ADIPOR1: variants seen among roughly 807,000 people sequenced by gnomAD.
The protein encoded by ADIPOR1 is adiponectin receptor protein 1.
Under a neutral mutation model 37.5 loss-of-function variants are expected in ADIPOR1, and 15 were observed. The ratio of observed to expected loss-of-function variants is 0.40; its 90% CI spans 0.27 to 0.62. The LOEUF (loss-of-function observed/expected upper bound fraction) is 0.62, where lower values mean the gene tolerates loss of function less well. ADIPOR1 is among the 20% of genes least tolerant of loss of function. The probability of loss-of-function intolerance (pLI) is 0.42; values close to 1 mark genes in which losing one functional copy is unlikely to be tolerated. For missense variants in ADIPOR1, 286 were observed against 478.0 expected (o/e 0.60, Z 3.75); for synonymous variants, 173 against 173.2 (o/e 1.00, Z 0.01).
intron 7 of ADIPOR1, 128 bp downstream of exon 7, chr1:202,941,897 C>T (rs1654104998): frequency 8.4e-7 from 1 of 1,191,846 alleles, no homozygotes; most frequent in Non-Finnish European, 1.2e-6. Flanking sequence ...TGATGATTTA[C>T]CTTCAATGCA....
intron 3 of ADIPOR1, among the ~76,000 whole-genome samples, chr1:202,946,889 T>C (rs1295838842): frequency 2.7e-5 from 4 of 147,260 alleles, no homozygotes; most frequent in South Asian, 2.2e-4. Flanking sequence ...CTGAGGCAGG[T>C]GGATCACCTG....
chr1:202,944,915 G>A, intron 5 of ADIPOR1, 68 bp downstream of exon 5: 1 of 1,448,550 alleles, frequency 6.9e-7, no homozygotes, highest in Non-Finnish European at 9.4e-7. Context: ...CTATCACCCA[G>A]TAAGCACTGG....
chr1:202,953,441 T>C (rs1050740658), intron 1 of ADIPOR1, among the ~76,000 whole-genome samples: 1 of 152,112 alleles, frequency 6.6e-6, no homozygotes, highest in Non-Finnish European at 1.5e-5. Flanking sequence ...AATACATGGA[T>C]CATAAAATAA....
chr1:202,947,522 AAT>A (rs557101134), intron 3 of ADIPOR1, among the ~76,000 whole-genome samples: 5 of 150,680 alleles, frequency 3.3e-5, no homozygotes, highest in South Asian at 2.1e-4. Flanking sequence ...GTCTCAAAAA[AAT>A]ATATATATAT....
At chr1:202,956,490 T>C (rs1350195140) in intron 1 of ADIPOR1, among the ~76,000 whole-genome samples, 1 of 151,664 alleles carries the variant, frequency 6.6e-6, no homozygotes. Flanking sequence ...AGTCAGAGGG[T>C]TGAAATGGTT....
chr1:202,945,520 C>A (rs1171096464), intron 4 of ADIPOR1, among the ~76,000 whole-genome samples: 1 of 152,164 alleles, frequency 6.6e-6, no homozygotes, highest in African/African-American at 2.4e-5. Context: ...CAGGTGTCTA[C>A]CCAAAGGAAA....
chr1:202,949,316 C>T (rs1044575830), intron 2 of ADIPOR1, among the ~76,000 whole-genome samples: 12 of 151,320 alleles, frequency 7.9e-5, no homozygotes, highest in Non-Finnish European at 1.3e-4. Context: ...CGCGGTGGCT[C>T]ACGCCTGTAA....
chr1:202,943,446 C>T lies in ADIPOR1; in HGVS notation c.805+312G>A, dbSNP rs566751839. 3.3e-5 allele frequency among the ~76,000 whole-genome samples: 5 copies of T among 152,272 alleles called. No homozygotes were observed. In the East Asian group the frequency reaches 5.8e-4, roughly 18 times the overall value. On this transcript the variant is annotated intron_variant, in intron 6 of 7. Coordinates refer to ENST00000340990, the MANE Select transcript of ADIPOR1 (RefSeq NM_015999.6). ...AATCCCTTGGTCTGAGCTTGGGACT[C>T]GGGTCACTAAAATTACTGTGCTTGC... is the stretch of plus-strand genomic sequence containing the variant.
chr1:202,941,418 T>C lies in ADIPOR1; in HGVS notation c.*155A>G. The C allele has an allele frequency of 1.2e-6, 1 of 847,756 alleles. No individual in the cohort carries two copies. Among genetic ancestry groups the C allele is most frequent in the South Asian group, 2.6e-5 (1 of 39,068 alleles). The allele number at this position is 847,756 out of a possible 1,614,324, so 52.5% of individuals were successfully genotyped here. On this transcript the variant is annotated 3_prime_UTR_variant, in exon 8 of 8. Coordinates refer to ENST00000340990, the MANE Select transcript of ADIPOR1 (RefSeq NM_015999.6). The stretch of plus-strand genomic sequence containing the variant: ...TGGAAATGGAAAGTTTATTGCCCAG[T>C]GGGTGTGAAAGTGGGCTGAAGCTTG...
intron 1 of ADIPOR1, among the ~76,000 whole-genome samples, chr1:202,952,569 C>T (rs916324704): frequency 8.5e-5 from 13 of 152,216 alleles, no homozygotes; most frequent in Non-Finnish European, 1.6e-4. Context: ...CTCCTTCCCT[C>T]CTGGAGCTGG....
At chr1:202,951,485 T>A (rs1263828459) in intron 1 of ADIPOR1, among the ~76,000 whole-genome samples, 1 of 152,136 alleles carries the variant, frequency 6.6e-6, no homozygotes, top group Non-Finnish European at 1.5e-5. Context: ...TATGGAACCA[T>A]TTAGTGAGAA....
chr1:202,941,651 G>A lies in ADIPOR1; in HGVS notation c.1050C>T (p.Val350=). Residue 350 remains valine (V), a synonymous_variant, in exon 8 of 8, where the codon GTC becomes GTT. Transcript: ENST00000340990. ...FHVLVVAAAF[V]HFYGVSNLQE... ...GAAGGTTGGAGACTCCATAGAAGTGGACAAAGGCTGCTGCCACCACCAGGA... is the reference window on the plus strand; with the variant it reads ...GAAGGTTGGAGACTCCATAGAAGTGAACAAAGGCTGCTGCCACCACCAGGA... The A allele has an allele frequency of 6.2e-7, 1 of 1,614,138 alleles. No homozygotes were observed. The highest frequency in any genetic ancestry group is 8.5e-7 in the Non-Finnish European group (1 of 1,180,010).
chr1:202,950,915 G>A lies in ADIPOR1; in HGVS notation c.141+15C>T, dbSNP rs770567276. ...GAAACTGAACAAGGGGATGACTCCT[G>A]GGAAGATGACTTACTTTGGGTGGGT... On this transcript the variant is annotated intron_variant, in intron 2 of 7. Coordinates refer to ENST00000340990, the MANE Select transcript of ADIPOR1 (RefSeq NM_015999.6). The A allele has an allele frequency of 1.2e-6, 2 of 1,614,084 alleles. No individual in the cohort carries two copies. The highest frequency in any genetic ancestry group is 8.5e-7 in the Non-Finnish European group (1 of 1,179,990).
rs1000702391 is a variant in ADIPOR1 at position 202,955,694 on chromosome 1, C to T, written c.-95+2491G>A. ...ATCATAGCTTACTGCAGCCTATACT[C>T]CTGGACTCAAGCAATTCTCCTGCAT... is the stretch of plus-strand genomic sequence containing the variant. On this transcript the variant is annotated intron_variant, in intron 1 of 7. Transcript: ENST00000340990. Among the ~76,000 whole-genome samples, 4 of 152,140 alleles carry T rather than the reference C, an allele frequency of 2.6e-5. No individual in the cohort carries two copies. In the East Asian group the frequency reaches 7.7e-4, roughly 29 times the overall value.
At position 202,950,999 on chromosome 1, in the gene ADIPOR1, C is replaced by T. The variant is rs371808180; in HGVS notation, c.72G>A (p.Thr24=). ...GAPASNREAD[T]VELAELGPLL... ...GGGGTCCCAGTTCAGCCAGTTCCAC[C>T]GTGTCAGCTTCCCTGTTACTGGCAG... Residue 24 remains threonine, a synonymous_variant, in exon 2 of 8, where the codon ACG becomes ACA. Transcript: ENST00000340990. The T allele has an allele frequency of 1.5e-5, 24 of 1,614,062 alleles. No homozygotes were observed. Among genetic ancestry groups the T allele is most frequent in the Admixed American group, 8.3e-5 (5 of 60,000 alleles).
chr1:202,951,333 A>G (rs1412557920), intron 1 of ADIPOR1, among the ~76,000 whole-genome samples, 169 bp from the exon 2 acceptor site: 1 of 152,140 alleles, frequency 6.6e-6, no homozygotes, highest in Non-Finnish European at 1.5e-5. Context: ...TTTAATGTCA[A>G]CCTTTACCCA....
intron 4 of ADIPOR1, among the ~76,000 whole-genome samples, chr1:202,945,715 C>T (rs1654280831): frequency 6.6e-6 from 1 of 152,170 alleles, no homozygotes; most frequent in African/African-American, 2.4e-5. Context: ...TTGCAGCAAC[C>T]TGGATGAAGC....
intron 2 of ADIPOR1, among the ~76,000 whole-genome samples, chr1:202,949,593 A>AAAAACAAAAC (rs1654483219): frequency 7.2e-6 from 1 of 138,334 alleles, no homozygotes; most frequent in Non-Finnish European, 1.6e-5. Flanking sequence ...AAAAAAAAAA[A>AAAAACAAAAC]AAAACACACC....
In ADIPOR1 at chr1:202,940,989, A is replaced by G. The variant is rs1241616507; in HGVS notation, c.*584T>C. ...TTACATTACTCTGCCAAGAAAAAAAAAAAATTAAAACTCAAGTTACTTGAA... is the reference window on the plus strand; with the variant it reads ...TTACATTACTCTGCCAAGAAAAAAAGAAAATTAAAACTCAAGTTACTTGAA... On this transcript the variant is annotated 3_prime_UTR_variant, in exon 8 of 8. Coordinates refer to ENST00000340990, the MANE Select transcript of ADIPOR1 (RefSeq NM_015999.6). 3 of 152,644 alleles carry G rather than the reference A, an allele frequency of 2.0e-5. No homozygotes were observed. The highest frequency in any genetic ancestry group is 2.0e-4 in the Admixed American group (3 of 15,276). The allele number at this position is 152,644 out of a possible 1,614,324, so 9.5% of individuals were successfully genotyped here. A position where few individuals can be genotyped will look rare whatever the true frequency, so the allele number is the denominator to read the frequency against.
Sources: gnomAD v4.1 joint callset for allele counts (sites outside exome capture counted in the v4.1 genomes callset) on GRCh38, gnomAD v4.1.1 for gene constraint, MANE v1.5 for transcripts, NCBI Gene and HGNC (gene_info 2026-07-23, HGNC 2026-07-21) for gene names.